CSMD1: variants seen among roughly 807,000 people sequenced by gnomAD.
CSMD1 encodes CUB and Sushi multiple domains 1, also known as CUB and sushi domain-containing protein 1.
In CSMD1, 213 loss-of-function variants were observed where a neutral mutation model predicts 417.5. The ratio of observed to expected loss-of-function variants is 0.51; its 90% CI spans 0.46 to 0.57. The LOEUF is 0.57. Among genes scored for constraint, CSMD1 ranks in the 20% least tolerant of loss-of-function variants. The pLI, the probability that CSMD1 is intolerant of heterozygous loss-of-function variation, is 0.00. For synonymous variants in CSMD1, 2,862 were observed against 1,736.8 expected, an observed-to-expected ratio of 1.65 and a Z score of -16.11; for missense variants, 6,923 against 4,529.7, an observed-to-expected ratio of 1.53 and a Z score of -15.17.
intron 3 of CSMD1, among the ~76,000 whole-genome samples, chr8:4,170,221 C>G (rs1797693569): frequency 6.6e-6 from 1 of 151,826 alleles, no homozygotes; most frequent in Non-Finnish European, 1.5e-5. Context: ...TAGCTGTTAT[C>G]TCTTCTCTTT....
chr8:4,912,322 G>T (rs1805745788), intron 1 of CSMD1, among the ~76,000 whole-genome samples: 1 of 151,078 alleles, frequency 6.6e-6, no homozygotes, highest in African/African-American at 2.4e-5. Context: ...AATAAAAGAA[G>T]AGGGAAGAAT....
intron 41 of CSMD1, among the ~76,000 whole-genome samples, chr8:3,137,557 G>A (rs116125524): frequency 6.6e-6 from 1 of 152,218 alleles, no homozygotes; most frequent in Non-Finnish European, 1.5e-5. Flanking sequence ...TAGAAATACA[G>A]TTGTCCCTTG....
chr8:3,034,516 C>T (rs1197715692), intron 50 of CSMD1, among the ~76,000 whole-genome samples: 1 of 152,080 alleles, frequency 6.6e-6, no homozygotes, highest in Admixed American at 6.6e-5. Flanking sequence ...TATACAAACA[C>T]ACATTACATA....
At chr8:3,992,584 G>C (rs563956896) in intron 5 of CSMD1, among the ~76,000 whole-genome samples, 10 of 152,280 alleles carry the variant, frequency 6.6e-5, no homozygotes, top group Admixed American at 6.5e-4. Context: ...AGGATTTTGA[G>C]ACCAGCTTGG....
chr8:4,226,655 A>C (rs1801375525), intron 3 of CSMD1, among the ~76,000 whole-genome samples: 1 of 152,196 alleles, frequency 6.6e-6, no homozygotes, highest in Non-Finnish European at 1.5e-5. Flanking sequence ...ATTACAGTAT[A>C]ATCATAGAAA....
intron 12 of CSMD1, among the ~76,000 whole-genome samples, chr8:3,456,525 G>T (rs1232317507): frequency 6.6e-6 from 1 of 152,126 alleles, no homozygotes; most frequent in Non-Finnish European, 1.5e-5. Flanking sequence ...GTGCTTTGTG[G>T]TTATCTAAGT....
intron 57 of CSMD1, among the ~76,000 whole-genome samples, chr8:2,968,533 T>C (rs907114093): frequency 2.0e-5 from 3 of 152,248 alleles, no homozygotes; most frequent in Non-Finnish European, 4.4e-5. Flanking sequence ...ATATTGGGAA[T>C]GTCCCCTCAA....
chr8:3,698,011 G>T (rs1164458477), intron 7 of CSMD1, among the ~76,000 whole-genome samples: 1 of 151,920 alleles, frequency 6.6e-6, no homozygotes, highest in South Asian at 2.1e-4. Context: ...ATCCAATCAG[G>T]CTATACATTG....
At chr8:3,498,586 G>C (rs1053800081) in intron 10 of CSMD1, among the ~76,000 whole-genome samples, 2 of 152,052 alleles carry the variant, frequency 1.3e-5, no homozygotes, top group East Asian at 1.9e-4. Context: ...TTATTATATA[G>C]ATATCCTACA....
chr8:4,363,654 G>T (rs1273907972), intron 3 of CSMD1, among the ~76,000 whole-genome samples: 1 of 152,148 alleles, frequency 6.6e-6, no homozygotes, highest in Non-Finnish European at 1.5e-5. Context: ...CAACTGGCAG[G>T]CAGCCTTTAA....
At chr8:3,729,498 A>C (rs1034790088) in intron 6 of CSMD1, among the ~76,000 whole-genome samples, 2 of 152,202 alleles carry the variant, frequency 1.3e-5, no homozygotes, top group Admixed American at 6.5e-5. Flanking sequence ...ATGTATCCCC[A>C]GCAAGACAGA....
chr8:4,761,134 T>C (rs1812014307), intron 1 of CSMD1, among the ~76,000 whole-genome samples: 1 of 152,050 alleles, frequency 6.6e-6, no homozygotes, highest in Non-Finnish European at 1.5e-5. Context: ...AAGAGTCTTC[T>C]ACACGTAAAG....
intron 22 of CSMD1, among the ~76,000 whole-genome samples, chr8:3,347,183 T>C (rs1358286020): frequency 2.0e-5 from 3 of 152,224 alleles, no homozygotes; most frequent in Admixed American, 2.0e-4. Context: ...GGGCCGCGGG[T>C]TGGACAAGAT....
At chr8:4,983,264 C>T (rs1810996747) in intron 1 of CSMD1, among the ~76,000 whole-genome samples, 1 of 152,200 alleles carries the variant, frequency 6.6e-6, no homozygotes, top group Non-Finnish European at 1.5e-5. Flanking sequence ...CCAACACCTT[C>T]CCTAGGTCAA....
chr8:4,883,222 T>C lies in CSMD1; in HGVS notation c.85+111110A>G, dbSNP rs892908774. On this transcript the variant is annotated intron_variant, in intron 1 of 69. Transcript: ENST00000635120. The stretch of plus-strand genomic sequence containing the variant: ...GAACATGACGTCTACCAGAGCAACA[T>C]GGTTGATTTCTAACAAGGATCAGAT... 5.9e-5 allele frequency among the ~76,000 whole-genome samples: 9 copies of C among 152,068 alleles called. 1 individual carries two copies. Among genetic ancestry groups the C allele is most frequent in the African/African-American group, 2.2e-4 (9 of 41,346 alleles).
chr8:4,082,162 G>C lies in CSMD1; in HGVS notation c.416-50063C>G, dbSNP rs960177757. On this transcript the variant is annotated intron_variant, in intron 3 of 69. Transcript: ENST00000635120. ...GATGCAAAATCTCTATAGATCCTAAGGACATTAAAGAGCGTACAAGATATA... is the reference window on the plus strand; with the variant it reads ...GATGCAAAATCTCTATAGATCCTAACGACATTAAAGAGCGTACAAGATATA... Among the ~76,000 whole-genome samples, 3 of 152,056 alleles carry C rather than the reference G, an allele frequency of 2.0e-5. No individual in the cohort carries two copies. In the East Asian group the frequency reaches 5.8e-4, roughly 29 times the overall value.
chr8:4,944,503 A>G (rs773458269), intron 1 of CSMD1, among the ~76,000 whole-genome samples: 3 of 152,204 alleles, frequency 2.0e-5, no homozygotes, highest in Non-Finnish European at 4.4e-5. Flanking sequence ...GGAAAGCTGA[A>G]AGAACACATC....
At chr8:4,609,069 A>T (rs989753990) in intron 2 of CSMD1, among the ~76,000 whole-genome samples, 10 of 151,658 alleles carry the variant, frequency 6.6e-5, no homozygotes, top group African/African-American at 2.2e-4. Context: ...GAAATCCTCC[A>T]CTTTCAGGTT....
intron 41 of CSMD1, among the ~76,000 whole-genome samples, chr8:3,133,049 C>A (rs761489720): frequency 6.6e-6 from 1 of 152,212 alleles, no homozygotes. Context: ...TATGGATACA[C>A]TGGAATAAAA....
Sources: allele counts gnomAD v4.1 joint callset (sites outside exome capture counted in the v4.1 genomes callset), GRCh38; gene constraint gnomAD v4.1.1; transcripts MANE v1.5; gene names NCBI Gene and HGNC (gene_info 2026-07-23, HGNC 2026-07-21).